PCDHA11: variants seen among roughly 807,000 people sequenced by gnomAD.
PCDHA11 encodes the protein protocadherin alpha-11.
PCDHA11 carries 61 observed loss-of-function variants against 70.3 expected under a neutral mutation model. The ratio of observed to expected loss-of-function variants is 0.87; its 90% CI spans 0.71 to 1.07. PCDHA11 has a LOEUF of 1.07. Among genes scored for constraint, PCDHA11 ranks in the 50% least tolerant of loss-of-function variants. The pLI is 0.00. For missense variants in PCDHA11, 1,324 were observed against 1,237.5 expected (o/e 1.07, Z -1.05); for synonymous variants, 633 against 555.1 (o/e 1.14, Z -1.97).
intron 1 of PCDHA11, among the ~76,000 whole-genome samples, chr5:140,950,689 A>G (rs1585383013): frequency 2.6e-5 from 4 of 152,212 alleles, no homozygotes; most frequent in Admixed American, 2.6e-4. Flanking sequence ...ATTGTTAACC[A>G]AATTTGACAA....
intron 1 of PCDHA11, among the ~76,000 whole-genome samples, chr5:140,924,902 AAAATAAAATAAAAT>A (rs1442290811): frequency 5.1e-5 from 2 of 39,026 alleles, no homozygotes; most frequent in East Asian, 1.3e-3. Flanking sequence ...CTCAAAAAAA[AAAATAAAATAAAAT>A]AAAATAAAAT....
At chr5:140,986,862 G>A (rs1441287999) in intron 3 of PCDHA11, among the ~76,000 whole-genome samples, 2 of 152,068 alleles carry the variant, frequency 1.3e-5, no homozygotes, top group East Asian at 1.9e-4. Flanking sequence ...AACAATACCC[G>A]GAAACTTGTT....
intron 1 of PCDHA11, chr5:140,967,271 A>T (rs1007708043): frequency 6.2e-7 from 1 of 1,613,338 alleles, no homozygotes; most frequent in African/African-American, 1.3e-5. Context: ...GCGCTTTCAC[A>T]TAGAGAGTGC....
At chr5:140,896,673 G>T (rs962137649) in intron 1 of PCDHA11, among the ~76,000 whole-genome samples, 1 of 152,000 alleles carries the variant, frequency 6.6e-6, no homozygotes, top group African/African-American at 2.4e-5. Context: ...CACTGTGCCC[G>T]GCCCTTTGCC....
intron 1 of PCDHA11, among the ~76,000 whole-genome samples, chr5:140,964,252 T>C (rs569615423): frequency 4.6e-5 from 7 of 152,332 alleles, no homozygotes; most frequent in African/African-American, 1.7e-4. Context: ...GGCTTTATAT[T>C]TGACTCCTTA....
At chr5:140,896,672 C>T (rs912022786) in intron 1 of PCDHA11, among the ~76,000 whole-genome samples, 7 of 152,028 alleles carry the variant, frequency 4.6e-5, no homozygotes, top group Middle Eastern at 3.2e-3. Flanking sequence ...TCACTGTGCC[C>T]GGCCCTTTGC....
At chr5:140,968,050 C>T (rs782392575) in intron 1 of PCDHA11, 12 of 1,614,178 alleles carry the variant, frequency 7.4e-6, no homozygotes, top group Admixed American at 1.7e-5. Flanking sequence ...GCCCACTGGA[C>T]CGAGAGCGGG....
intron 1 of PCDHA11, among the ~76,000 whole-genome samples, chr5:140,913,414 CA>C: frequency 6.6e-6 from 1 of 152,102 alleles, no homozygotes; most frequent in African/African-American, 2.4e-5. Context: ...TGAATTCCTG[CA>C]GTATCAGTTG....
rs200161334 is a variant in PCDHA11, at chr5:140,967,904, C to T, written c.2392-11045C>T. ...TAGCCCAGTGCCTGAGAATGCTACACCCAACACCATTGTGGCCGTTCTCAG... is the reference window on the plus strand; with the variant it reads ...TAGCCCAGTGCCTGAGAATGCTACATCCAACACCATTGTGGCCGTTCTCAG... On this transcript the variant is annotated intron_variant, in intron 1 of 3. Coordinates refer to ENST00000398640, the MANE Select transcript of PCDHA11 (RefSeq NM_018902.5). The T allele has an allele frequency of 3.3e-5, 53 of 1,614,164 alleles. No individual in the cohort carries two copies. In the East Asian group the frequency reaches 9.1e-4, roughly 28 times the overall value.
intron 1 of PCDHA11, among the ~76,000 whole-genome samples, chr5:140,951,817 C>T (rs981107617): frequency 6.6e-6 from 1 of 152,146 alleles, no homozygotes; most frequent in Non-Finnish European, 1.5e-5. Flanking sequence ...CCCTCAAAGT[C>T]TGAACTCATT....
intron 1 of PCDHA11, chr5:140,876,170 T>C (rs781910243): frequency 6.2e-7 from 1 of 1,613,982 alleles, no homozygotes; most frequent in African/African-American, 1.3e-5. Context: ...ATAACCGTCC[T>C]GGATGTGAAT....
chr5:140,976,545 T>C (rs781810490), intron 1 of PCDHA11, among the ~76,000 whole-genome samples: 1 of 152,078 alleles, frequency 6.6e-6, no homozygotes, highest in Non-Finnish European at 1.5e-5. Flanking sequence ...AGTAAGACCC[T>C]ATCTCATAAA....
At chr5:140,883,547 G>GC in intron 1 of PCDHA11, 5 of 1,614,234 alleles carry the variant, frequency 3.1e-6, no homozygotes, top group Non-Finnish European at 3.4e-6. Context: ...GGTGGTGACC[G>GC]CGCGGGACGG....
chr5:140,891,270 C>T (rs1049558993), intron 1 of PCDHA11, among the ~76,000 whole-genome samples: 1 of 151,570 alleles, frequency 6.6e-6, no homozygotes, highest in East Asian at 1.9e-4. Context: ...TTAATTTTTC[C>T]GTAAGTTATT....
intron 1 of PCDHA11, among the ~76,000 whole-genome samples, chr5:140,896,881 A>C (rs1436700773): frequency 9.9e-5 from 15 of 152,204 alleles, no homozygotes; most frequent in Non-Finnish European, 1.3e-4. Context: ...TTTATGGGGT[A>C]TATGAGACAT....
chr5:140,967,460 G>A, intron 1 of PCDHA11: 1 of 1,613,538 alleles, frequency 6.2e-7, no homozygotes, highest in Non-Finnish European at 8.5e-7. Context: ...AGCCGTGGAT[G>A]GGGGCATCCC....
intron 1 of PCDHA11, chr5:140,875,493 A>T: frequency 6.2e-7 from 1 of 1,612,928 alleles, no homozygotes; most frequent in South Asian, 1.1e-5. Flanking sequence ...TCGGACCAAG[A>T]GGCCCGGGAT....
Position 140,883,115 on chromosome 5 carries a change from AGGCCTGTAT to A in PCDHA11, c.2391+11628_2391+11636del, listed in dbSNP as rs2059447979. The A allele has an allele frequency of 1.9e-6, 3 of 1,613,978 alleles. No homozygotes were observed. The South Asian group carries it at 3.3e-5, about 18-fold the overall frequency. ...TGGAGATATAGTTTACTCATTTAGA[AGGCCTGTAT>A]GGCCTGCAGTGGTATATGCATTTAC... On this transcript the variant is annotated intron_variant, in intron 1 of 3. Transcript: ENST00000398640.
chr5:140,875,813 T>A, intron 1 of PCDHA11: 2 of 1,614,174 alleles, frequency 1.2e-6, no homozygotes, highest in Non-Finnish European at 1.7e-6. Context: ...GACAGGCCGC[T>A]GCAGGTTTTC....
Sources: gnomAD v4.1 joint callset for allele counts (sites outside exome capture counted in the v4.1 genomes callset) on GRCh38, gnomAD v4.1.1 for gene constraint, MANE v1.5 for transcripts, NCBI Gene and HGNC (gene_info 2026-07-23, HGNC 2026-07-21) for gene names.